The following SDK1 variants were observed in gnomAD, a reference collection of about 807,000 sequenced individuals.
SDK1 encodes the protein sidekick cell adhesion molecule 1, also known as protein sidekick-1.
A neutral mutation model predicts 245.5 loss-of-function variants in SDK1; 157 were observed. The ratio of observed to expected loss-of-function variants is 0.64; its 90% CI spans 0.56 to 0.73. The LOEUF is 0.73. Ranked by LOEUF, SDK1 falls within the 30% of genes least tolerant of loss-of-function variation. The probability of loss-of-function intolerance (pLI) is 0.00; values close to 1 mark genes in which losing one functional copy is unlikely to be tolerated. For missense variants in SDK1, 3,583 were observed against 3,002.3 expected (o/e 1.19, Z -4.52); for synonymous variants, 1,647 against 1,278.5 (o/e 1.29, Z -6.15).
At chr7:3,600,863 A>C (rs746984045) in intron 1 of SDK1, among the ~76,000 whole-genome samples, 2 of 152,092 alleles carry the variant, frequency 1.3e-5, no homozygotes, top group Non-Finnish European at 2.9e-5. Flanking sequence ...AGGTTTTTAA[A>C]AATTGATTTT....
At position 3,962,791 on chromosome 7, in the gene SDK1, C is replaced by T. The variant is rs767224847; in HGVS notation, c.1369C>T (p.Gln457Ter). ...GCGTCCAGAGGACTCCGGAATCTTC[C>T]AGTGCTTCGCCAGCAATGAAGGAGG... is the stretch of plus-strand genomic sequence containing the variant. ...KLRPEDSGIF[Q>*]CFASNEGGEI... The change falls in exon 9 of 45, where the codon CAG becomes TAG. Residue 457 changes from glutamine (Q) to a stop codon, truncating the protein, a stop_gained. Coordinates refer to ENST00000404826, the MANE Select transcript of SDK1 (RefSeq NM_152744.4). LOFTEE classifies it high-confidence loss of function. The T allele has an allele frequency of 1.2e-6, 2 of 1,613,654 alleles. No individual in the cohort carries two copies. The highest frequency in any genetic ancestry group is 1.7e-6 in the Non-Finnish European group (2 of 1,179,840).
intron 1 of SDK1, among the ~76,000 whole-genome samples, chr7:3,377,415 A>C (rs1781381147): frequency 6.6e-6 from 1 of 152,154 alleles, no homozygotes; most frequent in Non-Finnish European, 1.5e-5. Context: ...GATGGACTGC[A>C]GGCTCTGGAA....
intron 1 of SDK1, among the ~76,000 whole-genome samples, chr7:3,558,476 T>A (rs1779655690): frequency 6.6e-6 from 1 of 152,160 alleles, no homozygotes; most frequent in South Asian, 2.1e-4. Context: ...ATAGAGAAGA[T>A]TAGAATTAGC....
intron 26 of SDK1, among the ~76,000 whole-genome samples, chr7:4,128,810 G>A (rs1384094237): frequency 2.8e-5 from 4 of 141,382 alleles, no homozygotes; most frequent in African/African-American, 1.1e-4. Context: ...GCACCTTGGG[G>A]TAGGGTGCCC....
chr7:3,570,500 C>G (rs975907916), intron 1 of SDK1, among the ~76,000 whole-genome samples: 1 of 152,186 alleles, frequency 6.6e-6, no homozygotes, highest in African/African-American at 2.4e-5. Flanking sequence ...CCTGCCTTAA[C>G]TAAGGGATCC....
At chr7:4,081,381 T>C (rs1781048519) in intron 22 of SDK1, among the ~76,000 whole-genome samples, 1 of 152,132 alleles carries the variant, frequency 6.6e-6, no homozygotes, top group Non-Finnish European at 1.5e-5. Flanking sequence ...CACAGTTTCT[T>C]GGCCATAGTA....
intron 5 of SDK1, among the ~76,000 whole-genome samples, chr7:3,863,369 A>G (rs1425462780): frequency 6.6e-6 from 1 of 152,118 alleles, no homozygotes; most frequent in Non-Finnish European, 1.5e-5. Context: ...CCCTTTTGAG[A>G]TTGGCACCCC....
intron 1 of SDK1, among the ~76,000 whole-genome samples, chr7:3,448,202 G>A (rs1780405606): frequency 6.6e-6 from 1 of 152,036 alleles, no homozygotes; most frequent in Admixed American, 6.5e-5. Flanking sequence ...CACTCTTTAA[G>A]CAAATGTGAT....
intron 4 of SDK1, among the ~76,000 whole-genome samples, chr7:3,714,466 T>G (rs1051390801): frequency 6.6e-6 from 1 of 152,226 alleles, no homozygotes; most frequent in African/African-American, 2.4e-5. Context: ...AGTCTCAGTT[T>G]CCTCTTAAAT....
intron 19 of SDK1, among the ~76,000 whole-genome samples, chr7:4,054,243 G>T (rs759515075): frequency 6.6e-6 from 1 of 152,064 alleles, no homozygotes; most frequent in Non-Finnish European, 1.5e-5. Flanking sequence ...ACTCACCAAG[G>T]TTAACTGAAA....
rs1779641837 is a variant in SDK1, at chr7:3,922,874, G to A, written c.848-28049G>A. Reference sequence around the variant, plus strand: ...TCACTTACAGTGTATTCACCTTCTGGAATTCCTACTGTGCTTATATTTGAT... The same window carrying A: ...TCACTTACAGTGTATTCACCTTCTGAAATTCCTACTGTGCTTATATTTGAT... On this transcript the variant is annotated intron_variant, in intron 5 of 44. Transcript: ENST00000404826. Among the ~76,000 whole-genome samples the A allele has an allele frequency of 2.0e-5, 3 of 152,110 alleles. No homozygotes were observed. In the South Asian group the frequency reaches 6.2e-4, roughly 32 times the overall value.
rs570424612 is a variant in SDK1, at chr7:3,349,834, C to T, written c.298+47950C>T. On this transcript the variant is annotated intron_variant, in intron 1 of 44. Coordinates refer to ENST00000404826, the MANE Select transcript of SDK1 (RefSeq NM_152744.4). The stretch of plus-strand genomic sequence containing the variant: ...AGCCAGGATGGTCTCGATCTCCTGA[C>T]CTCATTATCTGCCCGCCTCGGCCTC... Among the ~76,000 whole-genome samples, 6 of 152,246 alleles carry T rather than the reference C, an allele frequency of 3.9e-5. No individual in the cohort carries two copies. The South Asian group carries it at 1.0e-3, about 26-fold the overall frequency.
intron 20 of SDK1, among the ~76,000 whole-genome samples, chr7:4,075,711 A>G (rs573976656): frequency 1.5e-4 from 23 of 150,314 alleles, no homozygotes; most frequent in East Asian, 1.2e-3. Context: ...CTGGAGTGCA[A>G]TGGCGCAATC....
chr7:3,361,531 C>T (rs1780952890), intron 1 of SDK1, among the ~76,000 whole-genome samples: 1 of 152,202 alleles, frequency 6.6e-6, no homozygotes, highest in African/African-American at 2.4e-5. Context: ...TATTTGTTCT[C>T]CGCCCTGTGA....
At chr7:3,645,766 A>G (rs866229871) in intron 4 of SDK1, among the ~76,000 whole-genome samples, 12 of 152,210 alleles carry the variant, frequency 7.9e-5, no homozygotes, top group Admixed American at 2.6e-4. Flanking sequence ...TATTTGTTAT[A>G]TACCCACAGA....
rs141178321 is a variant in SDK1 at position 4,105,854 on chromosome 7, G to A, written c.3325-4809G>A. Among the ~76,000 whole-genome samples the A allele has an allele frequency of 2.8e-3, 433 of 152,288 alleles. 5 individuals are homozygous for A. Among genetic ancestry groups the A allele is most frequent in the Non-Finnish European group, 2.4e-3 (166 of 68,018 alleles). ...ACACACTCTGAGAGGGGGAAGAGTGGTGCAGGGGGACAGGTGTTGGAGACT... is the reference window on the plus strand; with the variant it reads ...ACACACTCTGAGAGGGGGAAGAGTGATGCAGGGGGACAGGTGTTGGAGACT... On this transcript the variant is annotated intron_variant, in intron 22 of 44. Transcript: ENST00000404826.
intron 17 of SDK1, among the ~76,000 whole-genome samples, chr7:4,023,752 C>T (rs1562686714): frequency 6.6e-6 from 1 of 152,328 alleles, no homozygotes; most frequent in East Asian, 1.9e-4. Context: ...TCGATGCTGA[C>T]TCGCTGTTTG....
intron 1 of SDK1, among the ~76,000 whole-genome samples, chr7:3,458,846 A>G (rs902833872): frequency 6.6e-6 from 1 of 152,134 alleles, no homozygotes; most frequent in African/African-American, 2.4e-5. Context: ...CCTATGCACC[A>G]TTATCACCGT....
At position 4,036,873 on chromosome 7, in the gene SDK1, T is replaced by C. The variant is rs76910913; in HGVS notation, c.2603-12475T>C. ...AAATAAATGTTTGTTGTTTATGTGCTACACAGTCTATGATATTTTTGTTAT... is the reference window on the plus strand; with the variant it reads ...AAATAAATGTTTGTTGTTTATGTGCCACACAGTCTATGATATTTTTGTTAT... On this transcript the variant is annotated intron_variant, in intron 17 of 44. Coordinates refer to ENST00000404826, the MANE Select transcript of SDK1 (RefSeq NM_152744.4). 6.9e-3 allele frequency among the ~76,000 whole-genome samples: 1,057 copies of C among 152,320 alleles called. 10 individuals are homozygous for C. The highest frequency in any genetic ancestry group is 0.024 in the African/African-American group (985 of 41,558).
Sources: gnomAD v4.1 joint callset for allele counts (sites outside exome capture counted in the v4.1 genomes callset) on GRCh38, gnomAD v4.1.1 for gene constraint, MANE v1.5 for transcripts, NCBI Gene and HGNC (gene_info 2026-07-23, HGNC 2026-07-21) for gene names.